The following HYDIN variants were observed in gnomAD, a reference collection of about 807,000 sequenced individuals.
HYDIN encodes the protein axonemal central pair apparatus protein HYDIN.
HYDIN carries 132 observed loss-of-function variants against 403.9 expected under a neutral mutation model. The ratio of observed to expected loss-of-function variants is 0.33; its 90% confidence interval spans 0.28 to 0.38. HYDIN has a LOEUF of 0.38. Ranked by LOEUF, HYDIN falls within the 10% of genes least tolerant of loss-of-function variation. HYDIN has a pLI of 1.00. For synonymous variants in HYDIN, 1,202 were observed against 1,891.7 expected (o/e 0.64, Z 9.46); for missense variants, 2,827 against 5,009.5 (o/e 0.56, Z 13.15).
At chr16:71,132,917 G>A (rs2084769772) in intron 8 of HYDIN, 1 of 164,306 alleles carries the variant, frequency 6.1e-6, no homozygotes, top group East Asian at 1.9e-4. Context: ...CCTGTTGATA[G>A]TCATGGTTTC....
At chr16:70,832,817 C>T (rs377271852) in intron 80 of HYDIN, 31 bp downstream of exon 80, 63 of 1,583,946 alleles carry the variant, frequency 4.0e-5, no homozygotes, top group Non-Finnish European at 5.1e-5. Context: ...TCACTCCTGC[C>T]ACTGGGCCAC....
chr16:70,946,514 A>G (rs2077866142), intron 41 of HYDIN, among the ~76,000 whole-genome samples: 1 of 152,024 alleles, frequency 6.6e-6, no homozygotes, highest in Non-Finnish European at 1.5e-5. Flanking sequence ...TAGGGGGAGG[A>G]TTAGGTTTGC....
chr16:71,058,687 AAAAAT>A (rs1428284145), intron 18 of HYDIN, among the ~76,000 whole-genome samples: 1 of 151,736 alleles, frequency 6.6e-6, no homozygotes, highest in Non-Finnish European at 1.5e-5. Flanking sequence ...GTTCTTGTGC[AAAAAT>A]AAAATAAAAA....
rs570840826 is a variant in HYDIN at position 71,108,375 on chromosome 16, G to C, written c.1327+7321C>G. ...AAAGCAAGGATATGATGGTCATCAA[G>C]AACAGAATGGTGGTGATTCCAGGGG... On this transcript the variant is annotated intron_variant, in intron 10 of 85. Transcript: ENST00000393567. 8.5e-5 allele frequency among the ~76,000 whole-genome samples: 13 copies of C among 152,188 alleles called. No individual in the cohort carries two copies. In the East Asian group the frequency reaches 1.7e-3, roughly 20 times the overall value.
intron 57 of HYDIN, among the ~76,000 whole-genome samples, 200 bp from the exon 58 acceptor site, chr16:70,889,904 G>C (rs1389682625): frequency 1.3e-5 from 2 of 152,094 alleles, no homozygotes; most frequent in Non-Finnish European, 2.9e-5. Flanking sequence ...GAAACTAGGC[G>C]GTAATTATAC....
chr16:71,192,982 C>G (rs781383284), intron 1 of HYDIN, among the ~76,000 whole-genome samples: 2 of 152,320 alleles, frequency 1.3e-5, no homozygotes, highest in Middle Eastern at 6.8e-3. Flanking sequence ...TTCTGTTCAT[C>G]CTACAAAACC....
At chr16:71,007,912 G>T (rs1036124779) in intron 23 of HYDIN, among the ~76,000 whole-genome samples, 1 of 151,640 alleles carries the variant, frequency 6.6e-6, no homozygotes, top group Non-Finnish European at 1.5e-5. Context: ...CAATCCAGGT[G>T]CCCATCAACA....
At chr16:71,211,353 T>C (rs1029495106) in intron 1 of HYDIN, among the ~76,000 whole-genome samples, 2 of 152,010 alleles carry the variant, frequency 1.3e-5, no homozygotes, top group African/African-American at 4.8e-5. Flanking sequence ...AAATCTCCCC[T>C]GGAGGGACCG....
At chr16:71,013,242 G>C (rs1385923874) in intron 23 of HYDIN, among the ~76,000 whole-genome samples, 1 of 152,066 alleles carries the variant, frequency 6.6e-6, no homozygotes, top group Non-Finnish European at 1.5e-5. Context: ...GCAGAAGGAT[G>C]GTGAAGCTGA....
At chr16:70,878,565 A>G (rs1028977228) in intron 62 of HYDIN, among the ~76,000 whole-genome samples, 1 of 147,842 alleles carries the variant, frequency 6.8e-6, no homozygotes. Flanking sequence ...GTATCCTTTC[A>G]TTTTTATCTT....
At chr16:71,055,891 G>A (rs1469171642) in intron 18 of HYDIN, among the ~76,000 whole-genome samples, 1 of 152,122 alleles carries the variant, frequency 6.6e-6, no homozygotes, top group East Asian at 1.9e-4. Context: ...AACAAGTGCC[G>A]AGCAAGGCAC....
Position 70,874,409 on chromosome 16 carries a change from A to G in HYDIN, c.10844T>C (p.Leu3615Ser). 1 of 550,266 alleles carries G rather than the reference A, an allele frequency of 1.8e-6. No individual in the cohort carries two copies. The highest frequency in any genetic ancestry group is 2.9e-5 in the East Asian group (1 of 34,150). 34.1% of individuals were successfully genotyped at this position (550,266 alleles called of 1,614,324 possible). ...VGEGYEDDIT[L>S]DNIHGLVAPT... ...GGCCACCAGTCCATGGATGTTGTCC[A>G]AGGTGATGTCATCCTCATAGCCCTC... Residue 3615 changes from leucine (L) to serine (S), a missense_variant, in exon 64 of 86, where the codon TTG becomes TCG. Coordinates refer to ENST00000393567, the MANE Select transcript of HYDIN (RefSeq NM_001270974.2).
chr16:70,981,998 G>C (rs2079059506), intron 28 of HYDIN, among the ~76,000 whole-genome samples: 1 of 151,222 alleles, frequency 6.6e-6, no homozygotes, highest in African/African-American at 2.4e-5. Context: ...CATGGTGGTG[G>C]GCACCTGTAG....
At chr16:70,860,031 C>T (rs772563484) in intron 71 of HYDIN, 37 bp downstream of exon 71, 6 of 1,575,392 alleles carry the variant, frequency 3.8e-6, no homozygotes, top group Non-Finnish European at 5.2e-6. Flanking sequence ...CTAGAGTGAT[C>T]TAAGCCTTGG....
In HYDIN at chr16:70,992,142, G is replaced by A. The variant is rs1597486571; in HGVS notation, c.3713C>T (p.Ser1238Leu). 1.1e-5 allele frequency: 17 copies of A among 1,612,240 alleles called. No individual in the cohort carries two copies. Among genetic ancestry groups the A allele is most frequent in the Non-Finnish European group, 1.4e-5 (16 of 1,179,252 alleles). ...GATTGCTGGTGGGCTGGCAGCCTCTGAGGTTGCTGGGATGGACTCCATCTG... is the reference window on the plus strand; with the variant it reads ...GATTGCTGGTGGGCTGGCAGCCTCTAAGGTTGCTGGGATGGACTCCATCTG... ...VSQMESIPATSEAASPPAILV... is the reference protein window; with the variant it reads ...VSQMESIPATLEAASPPAILV... The change falls in exon 24 of 86, where the codon TCA becomes TTA. Residue 1238 changes from serine to leucine, a missense_variant. Ser to Leu is a moderately radical substitution (Grantham distance 145, BLOSUM62 -2). Transcript: ENST00000393567.
rs559384271 is a variant in HYDIN, at chr16:70,981,764, A to G, written c.4333-196T>C. Among the ~76,000 whole-genome samples the G allele has an allele frequency of 9.2e-5, 14 of 152,324 alleles. No individual in the cohort carries two copies. The East Asian group carries it at 2.5e-3, about 27-fold the overall frequency. On this transcript the variant is annotated intron_variant, in intron 28 of 85. Transcript: ENST00000393567. ...CCACAAACTGGTTCTTTGAAAAAAG[A>G]CGAATAAAATACACAAAACTGGCAA...
At chr16:70,954,287 A>AC (rs2078158896) in intron 40 of HYDIN, among the ~76,000 whole-genome samples, 1 of 104,224 alleles carries the variant, frequency 9.6e-6, no homozygotes, top group African/African-American at 3.8e-5. Flanking sequence ...ACCAGCCTGG[A>AC]CAACATAGCG....
chr16:71,048,275 C>T (rs951747634), intron 18 of HYDIN, among the ~76,000 whole-genome samples: 63 of 147,446 alleles, frequency 4.3e-4, no homozygotes, highest in Non-Finnish European at 7.0e-4. Context: ...CACATCTTGG[C>T]TTTTGTGAGT....
intron 23 of HYDIN, among the ~76,000 whole-genome samples, chr16:71,004,257 T>A (rs1229356443): frequency 6.7e-6 from 1 of 148,924 alleles, no homozygotes; most frequent in Admixed American, 6.9e-5. Context: ...GAGGTTGTAG[T>A]GAGCCGAGAT....
Sources: gnomAD v4.1 joint callset for allele counts (sites outside exome capture counted in the v4.1 genomes callset) on GRCh38, gnomAD v4.1.1 for gene constraint, MANE v1.5 for transcripts, NCBI Gene and HGNC (gene_info 2026-07-23, HGNC 2026-07-21) for gene names.